The following RARS1 variants were observed in gnomAD, a reference collection of about 807,000 sequenced individuals.
RARS1 encodes the protein arginyl-tRNA synthetase 1, also known as arginine--tRNA ligase, cytoplasmic.
In RARS1, 75 loss-of-function variants were observed where a neutral mutation model predicts 78.7. That is an observed-to-expected ratio of 0.95 (90% CI 0.79 to 1.15). The LOEUF is 1.15. Ranked by LOEUF, RARS1 falls within the 50% of genes most tolerant of loss-of-function variation. The pLI is 0.00. For missense variants in RARS1, 787 were observed against 787.5 expected, an observed-to-expected ratio of 1.00 and a Z score of 0.01; for synonymous variants, 273 against 268.2, an observed-to-expected ratio of 1.02 and a Z score of -0.18.
Position 168,492,721 on chromosome 5 carries a change from A to T in RARS1, c.243A>T (p.Gln81His). 1 of 1,612,436 alleles carries T rather than the reference A, an allele frequency of 6.2e-7. No homozygotes were observed. The highest frequency in any genetic ancestry group is 8.5e-7 in the Non-Finnish European group (1 of 1,178,530). ...KNMINIISRLQEVFGHAIKAA... is the reference protein window; with the variant it reads ...KNMINIISRLHEVFGHAIKAA... ...TGATTAACATTATTAGCCGCCTACA[A>T]GAGGTCTTTGGTCATGCAATTAAGG... Residue 81 changes from glutamine (Q) to histidine (H), a missense_variant, in exon 3 of 15, where the codon CAA (glutamine) becomes CAT (histidine). By Grantham distance (24) the Gln-to-His change is conservative (BLOSUM62 0). Transcript: ENST00000231572.
At chr5:168,505,714 G>GAAAAAAAAAAA (rs60743864) in intron 9 of RARS1, among the ~76,000 whole-genome samples, 13 of 114,222 alleles carry the variant, frequency 1.1e-4, no homozygotes, top group Non-Finnish European at 1.3e-4. Context: ...TATCAAAAAA[G>GAAAAAAAAAAA]AAAAAAAAAA....
chr5:168,508,302 A>G (rs900011545), intron 11 of RARS1, among the ~76,000 whole-genome samples: 1 of 150,384 alleles, frequency 6.6e-6, no homozygotes, highest in African/African-American at 2.4e-5. Context: ...ATAGTATCCT[A>G]TCCCACCCGC....
intron 2 of RARS1, 37 bp from the exon 3 acceptor site, chr5:168,492,622 C>G (rs752192213): frequency 1.3e-6 from 2 of 1,483,058 alleles, no homozygotes; most frequent in African/African-American, 2.8e-5. Flanking sequence ...GATGGTTTTA[C>G]GTACATTATT....
intron 11 of RARS1, among the ~76,000 whole-genome samples, chr5:168,508,202 C>T (rs1486513887): frequency 6.6e-6 from 1 of 152,036 alleles, no homozygotes; most frequent in Admixed American, 6.6e-5. Flanking sequence ...TACTAGTGCT[C>T]CTATTATGGC....
At chr5:168,507,899 G>A (rs1758481572) in intron 11 of RARS1, among the ~76,000 whole-genome samples, 2 of 150,022 alleles carry the variant, frequency 1.3e-5, no homozygotes, top group African/African-American at 4.9e-5. Flanking sequence ...AAAAAACTTA[G>A]CCAGGCATAG....
At chr5:168,495,522 A>G in intron 6 of RARS1, 86 bp downstream of exon 6, 3 of 1,500,374 alleles carry the variant, frequency 2.0e-6, no homozygotes, top group Non-Finnish European at 2.7e-6. Flanking sequence ...CTCACTCAAG[A>G]AAGAACATTC....
chr5:168,505,393 C>T (rs1402901573), intron 9 of RARS1, among the ~76,000 whole-genome samples: 2 of 152,190 alleles, frequency 1.3e-5, no homozygotes, highest in Non-Finnish European at 2.9e-5. Context: ...TCCTACTTCT[C>T]ATTCCAAATG....
chr5:168,495,960 G>A (rs1298852015), intron 6 of RARS1, among the ~76,000 whole-genome samples: 3 of 152,054 alleles, frequency 2.0e-5, no homozygotes, highest in Non-Finnish European at 2.9e-5. Context: ...GCCAGCTTGG[G>A]CAACATAGCA....
Position 168,498,973 on chromosome 5 carries a change from CAAAA to C in RARS1, c.823-1611_823-1608del, listed in dbSNP as rs35319547. 5.5e-3 allele frequency among the ~76,000 whole-genome samples: 814 copies of C among 147,762 alleles called. 9 individuals are homozygous for C. Among genetic ancestry groups the C allele is most frequent in the African/African-American group, 0.019 (776 of 40,330 alleles). The stretch of plus-strand genomic sequence containing the variant: ...TGGGCAACAGAGTGAGACCCTATCT[CAAAA>C]AAAAAATTATTTCTTCAAAAATTAA... On this transcript the variant is annotated intron_variant, in intron 7 of 14. Transcript: ENST00000231572.
chr5:168,508,012 G>A (rs996996162), intron 11 of RARS1, among the ~76,000 whole-genome samples: 1 of 152,094 alleles, frequency 6.6e-6, no homozygotes, highest in Non-Finnish European at 1.5e-5. Context: ...GTGACAGAGT[G>A]AGACTGTGTC....
At chr5:168,496,100 G>A (rs1758179036) in intron 6 of RARS1, among the ~76,000 whole-genome samples, 1 of 152,070 alleles carries the variant, frequency 6.6e-6, no homozygotes, top group South Asian at 2.1e-4. Flanking sequence ...TAAGTGTTAG[G>A]CCAGGCACGG....
Position 168,500,652 on chromosome 5 carries a change from T to C in RARS1, c.884T>C (p.Val295Ala). ...EFKKRAYQCV[V>A]LLQGKNPDIT... ...AAGAAGCGAGCATATCAGTGTGTAG[T>C]TCTGCTCCAGGGTAAAAACCCAGAT... The change falls in exon 8 of 15, where the codon GTT becomes GCT. Residue 295 changes from valine (V) to alanine (A), a missense_variant. Transcript: ENST00000231572. The C allele has an allele frequency of 6.2e-7, 1 of 1,610,398 alleles. No individual in the cohort carries two copies.
At chr5:168,518,139 G>C in intron 14 of RARS1, 77 bp downstream of exon 14, 1 of 1,330,422 alleles carries the variant, frequency 7.5e-7, no homozygotes, top group Admixed American at 3.7e-5. Context: ...GCTGGAGTAC[G>C]GTGGTGAAAT....
At chr5:168,502,384 A>ATTTTTTTTTTTTTTT (rs759302320) in intron 9 of RARS1, among the ~76,000 whole-genome samples, 19 of 127,240 alleles carry the variant, frequency 1.5e-4, no homozygotes, top group African/African-American at 6.0e-4. Context: ...ATATATATAT[A>ATTTTTTTTTTTTTTT]TTTTTTTTTT....
chr5:168,506,319 A>G (rs1758444378), intron 10 of RARS1, 120 bp downstream of exon 10: 3 of 834,610 alleles, frequency 3.6e-6, no homozygotes, highest in Admixed American at 5.9e-5. Context: ...AAGATTCAGG[A>G]CATCAGTATA....
At position 168,506,098 on chromosome 5, in the gene RARS1, G is replaced by A. The variant is rs753897470; in HGVS notation, c.1135G>A (p.Asp379Asn). 4.4e-6 allele frequency: 7 copies of A among 1,605,646 alleles called. No homozygotes were observed. The highest frequency in any genetic ancestry group is 8.5e-7 in the Non-Finnish European group (1 of 1,175,900). Reference sequence around the variant, plus strand: ...CATACCATTAACCATAGTAAAATCAGATGGAGGTTATACCTATGATACATC... The same window carrying A: ...CATACCATTAACCATAGTAAAATCAAATGGAGGTTATACCTATGATACATC... ...CSIPLTIVKS[D>N]GGYTYDTSDL... is the part of the protein sequence containing the mutation. The change falls in exon 10 of 15, where the codon GAT becomes AAT. Residue 379 changes from aspartate to asparagine, a missense_variant. Asp to Asn is a conservative substitution (Grantham distance 23). Coordinates refer to ENST00000231572, the MANE Select transcript of RARS1 (RefSeq NM_002887.4).
chr5:168,502,385 T>TA lies in RARS1; in HGVS notation c.1057+280_1057+281insA, dbSNP rs34121907. On this transcript the variant is annotated intron_variant, in intron 9 of 14. Transcript: ENST00000231572. Reference sequence around the variant, plus strand: ...AAATATATATATATATATATATATATTTTTTTTTTTTAAAACAATCTTGCT... The same window carrying TA: ...AAATATATATATATATATATATATATATTTTTTTTTTTAAAACAATCTTGCT... 0.14 allele frequency among the ~76,000 whole-genome samples: 12,766 copies of TA among 92,608 alleles called. 651 individuals carry two copies. Among genetic ancestry groups the TA allele is most frequent in the East Asian group, 0.36 (1,331 of 3,662 alleles). 60.8% of individuals were successfully genotyped at this position (92,608 alleles called of 152,430 possible).
chr5:168,510,479 A>G, intron 11 of RARS1, 102 bp from the exon 12 acceptor site: 2 of 797,136 alleles, frequency 2.5e-6, no homozygotes, highest in East Asian at 2.7e-5. Flanking sequence ...TTTAAAACAT[A>G]TGTTGCAGTT....
In RARS1 at chr5:168,486,513, G is replaced by A; in HGVS notation, c.15G>A (p.Val5=). The A allele has an allele frequency of 6.4e-7, 1 of 1,559,240 alleles. No homozygotes were observed. Among genetic ancestry groups the A allele is most frequent in the East Asian group, 2.4e-5 (1 of 42,246 alleles). ...CTGATGGGAGGATGGACGTACTGGT[G>A]TCTGAGTGCTCCGCGCGGCTGCTGC... MDVL[V]SECSARLLQQ... is the part of the protein sequence containing the mutation. Residue 5 remains valine (V), a synonymous_variant, in exon 1 of 15, where the codon GTG becomes GTA. Transcript: ENST00000231572.
Sources: allele counts gnomAD v4.1 joint callset (sites outside exome capture counted in the v4.1 genomes callset), GRCh38; gene constraint gnomAD v4.1.1; transcripts MANE v1.5; gene names NCBI Gene and HGNC (gene_info 2026-07-23, HGNC 2026-07-21).